The following IBTK variants were observed in gnomAD, a reference collection of about 807,000 sequenced individuals.
IBTK encodes the protein inhibitor of Bruton tyrosine kinase.
IBTK carries 83 observed loss-of-function variants against 154.9 expected under a neutral mutation model. That is an observed-to-expected ratio of 0.54 (90% confidence interval 0.45 to 0.64). IBTK has a LOEUF of 0.64. IBTK is among the 30% of genes least tolerant of loss of function. The pLI is 0.00. For synonymous variants in IBTK, 515 were observed against 536.1 expected, an observed-to-expected ratio of 0.96 and a Z score of 0.54; for missense variants, 1,332 against 1,584.6, an observed-to-expected ratio of 0.84 and a Z score of 2.71.
chr6:82,195,910 G>A (rs929980032), intron 22 of IBTK, among the ~76,000 whole-genome samples: 1 of 152,130 alleles, frequency 6.6e-6, no homozygotes, highest in Admixed American at 6.5e-5. Context: ...AAGAGACTGC[G>A]AACTTTCAAA....
chr6:82,183,425 A>C (rs1768389680), intron 25 of IBTK, among the ~76,000 whole-genome samples: 1 of 152,146 alleles, frequency 6.6e-6, no homozygotes, highest in Non-Finnish European at 1.5e-5. Flanking sequence ...ATGAAAAACA[A>C]AACAGAGAAA....
intron 17 of IBTK, among the ~76,000 whole-genome samples, chr6:82,204,476 T>A (rs1769323243): frequency 6.6e-6 from 1 of 152,144 alleles, no homozygotes; most frequent in South Asian, 2.1e-4. Flanking sequence ...GTTAAATTTT[T>A]AAAATCACTG....
chr6:82,208,010 A>G (rs774332691), intron 16 of IBTK, among the ~76,000 whole-genome samples: 8 of 151,930 alleles, frequency 5.3e-5, no homozygotes, highest in Non-Finnish European at 1.2e-4. Flanking sequence ...TACAGTTATA[A>G]GATGAATGAA....
At chr6:82,221,381 T>A (rs115465049) in intron 8 of IBTK, among the ~76,000 whole-genome samples, 1,807 of 152,258 alleles carry the variant, frequency 0.012, 31 homozygotes, top group African/African-American at 0.039. Context: ...CCTAAGTGCA[T>A]CTCTATTTTA....
intron 16 of IBTK, among the ~76,000 whole-genome samples, chr6:82,209,782 A>C (rs1769557434): frequency 6.6e-6 from 1 of 152,212 alleles, no homozygotes; most frequent in African/African-American, 2.4e-5. Flanking sequence ...CAGTTATCTT[A>C]CTCTCAAGTA....
intron 13 of IBTK, among the ~76,000 whole-genome samples, chr6:82,212,432 C>T (rs1163499254): frequency 6.6e-6 from 1 of 151,930 alleles, no homozygotes; most frequent in Admixed American, 6.6e-5. Context: ...TATAACAAGG[C>T]ACAAAATTCA....
chr6:82,228,274 T>C (rs995693993), intron 4 of IBTK, among the ~76,000 whole-genome samples: 2 of 152,084 alleles, frequency 1.3e-5, no homozygotes, highest in Non-Finnish European at 2.9e-5. Context: ...CAAGGTCCTT[T>C]GGAAAACAAA....
At chr6:82,224,283 C>A (rs1359037409) in intron 6 of IBTK, 98 bp from the exon 7 acceptor site, 2 of 828,460 alleles carry the variant, frequency 2.4e-6, no homozygotes, top group South Asian at 1.5e-5. Context: ...GGTATACTTG[C>A]TGTTAGTGGT....
In IBTK at chr6:82,202,593, T is replaced by C. The variant is rs565965709; in HGVS notation, c.2664A>G (p.Ala888=). 464 of 1,611,146 alleles carry C rather than the reference T, an allele frequency of 2.9e-4. 7 individuals are homozygous for C. In the South Asian group the frequency reaches 4.8e-3, roughly 17 times the overall value. The part of the protein sequence containing the change: ...MLLEFAAMYS[A]KQLKLSCLQF... ...GTAAACAAGACAGTTTCAACTGTTT[T>C]GCACTATACATTGCTGCAAATTCCA... Residue 888 remains alanine (A), a synonymous_variant, in exon 18 of 29, where the codon GCA becomes GCG. Coordinates refer to ENST00000306270, the MANE Select transcript of IBTK (RefSeq NM_015525.4).
chr6:82,211,349 T>C lies in IBTK; in HGVS notation c.2412+18A>G. ...GAAACATAGTTACCAACCTAGGCGC[T>C]TTTTACTTAAATCTTACCTCAATCC... On this transcript the variant is annotated intron_variant, in intron 15 of 28. Transcript: ENST00000306270. The C allele has an allele frequency of 6.3e-7, 1 of 1,583,764 alleles. No homozygotes were observed. Among genetic ancestry groups the C allele is most frequent in the Non-Finnish European group, 8.6e-7 (1 of 1,169,036 alleles).
At position 82,227,202 on chromosome 6, in the gene IBTK, T is replaced by C; in HGVS notation, c.644A>G (p.Gln215Arg). Residue 215 changes from glutamine (Q) to arginine (R), a missense_variant, in exon 5 of 29, where the codon CAG becomes CGG. Physicochemically the swap from Gln to Arg is conservative, Grantham distance 43. Coordinates refer to ENST00000306270, the MANE Select transcript of IBTK (RefSeq NM_015525.4). The stretch of plus-strand genomic sequence containing the variant: ...TGACATTTCAATTACCAAGCATGTC[T>C]GTTCATCTCCATGTCCTAATCGCCC... ...PGGRLGHGDE[Q>R]TCLVPRLVEG... 6.2e-7 allele frequency: 1 copy of C among 1,604,612 alleles called. No homozygotes were observed. The highest frequency in any genetic ancestry group is 1.3e-5 in the African/African-American group (1 of 74,728).
At chr6:82,244,299 C>T (rs1227596878) in intron 1 of IBTK, among the ~76,000 whole-genome samples, 1 of 152,196 alleles carries the variant, frequency 6.6e-6, no homozygotes, top group Admixed American at 6.5e-5. Flanking sequence ...TACCACTTCT[C>T]CAAAGAAATC....
intron 5 of IBTK, among the ~76,000 whole-genome samples, chr6:82,226,458 T>C (rs1770301686): frequency 6.6e-6 from 1 of 152,024 alleles, no homozygotes; most frequent in African/African-American, 2.4e-5. Flanking sequence ...AGCACTAAGT[T>C]TCAGTAGCAC....
chr6:82,227,832 C>T (rs1770355942), intron 4 of IBTK, among the ~76,000 whole-genome samples: 1 of 151,778 alleles, frequency 6.6e-6, no homozygotes. Context: ...CTTTAATATA[C>T]ATTTATAATT....
At chr6:82,176,790 G>A (rs757121914) in intron 26 of IBTK, among the ~76,000 whole-genome samples, 5 of 152,004 alleles carry the variant, frequency 3.3e-5, no homozygotes, top group Non-Finnish European at 7.4e-5. Context: ...AATTTCCTGA[G>A]ATGAGTCCCC....
At chr6:82,174,123 G>A (rs1269338151) in intron 26 of IBTK, among the ~76,000 whole-genome samples, 3 of 152,086 alleles carry the variant, frequency 2.0e-5, no homozygotes, top group African/African-American at 7.2e-5. Context: ...TTGCTCCAAT[G>A]CTCTCTTTCA....
Position 82,170,754 on chromosome 6 carries a change from G to C in IBTK, c.*671C>G, listed in dbSNP as rs562550258. ...AAATCTTGTTTTTCTTTTTTAAAAC[G>C]CTATTCTCTTGGGACTAAACTGTTC... On this transcript the variant is annotated 3_prime_UTR_variant, in exon 29 of 29. Transcript: ENST00000306270. 6.6e-6 allele frequency: 1 copy of C among 151,920 alleles called. No individual in the cohort carries two copies. Among genetic ancestry groups the C allele is most frequent in the Non-Finnish European group, 1.5e-5 (1 of 68,006 alleles). The allele number at this position is 151,920 out of a possible 1,614,324, so 9.4% of individuals were successfully genotyped here. A position where few individuals can be genotyped will look rare whatever the true frequency, so the allele number is the denominator to read the frequency against.
intron 21 of IBTK, among the ~76,000 whole-genome samples, chr6:82,197,530 C>T (rs1769044320): frequency 6.6e-6 from 1 of 151,970 alleles, no homozygotes; most frequent in Non-Finnish European, 1.5e-5. Context: ...CCACCATGCC[C>T]GGCTAATTTT....
chr6:82,224,917 A>G (rs1009911306), intron 6 of IBTK, among the ~76,000 whole-genome samples: 3 of 152,188 alleles, frequency 2.0e-5, no homozygotes, highest in African/African-American at 7.2e-5. Context: ...TTTGGTGGCT[A>G]ATCTCCCAAG....
Sources: allele counts gnomAD v4.1 joint callset (sites outside exome capture counted in the v4.1 genomes callset), GRCh38; gene constraint gnomAD v4.1.1; transcripts MANE v1.5; gene names NCBI Gene and HGNC (gene_info 2026-07-23, HGNC 2026-07-21).